The following NHSL1 variants were observed in gnomAD, a reference collection of about 807,000 sequenced individuals.
NHSL1 encodes the protein NHS-like protein 1.
Under a neutral mutation model 95.0 loss-of-function variants are expected in NHSL1, and 48 were observed. The ratio of observed to expected loss-of-function variants is 0.51; its 90% CI spans 0.40 to 0.64. The LOEUF is 0.64. Ranked by LOEUF, NHSL1 falls within the 30% of genes least tolerant of loss-of-function variation. The pLI is 0.00. For synonymous variants in NHSL1, 783 were observed against 833.9 expected, an observed-to-expected ratio of 0.94 and a Z score of 1.05; for missense variants, 1,971 against 2,077.7, an observed-to-expected ratio of 0.95 and a Z score of 1.00.
intron 1 of NHSL1, chr6:138,571,446 G>A (rs1783836174): frequency 2.4e-6 from 1 of 422,212 alleles, no homozygotes; most frequent in African/African-American, 2.0e-5. Context: ...TGAGCATGTG[G>A]CTCTGATGGA....
chr6:138,535,207 G>A (rs1031332766), intron 1 of NHSL1, among the ~76,000 whole-genome samples: 2 of 151,934 alleles, frequency 1.3e-5, no homozygotes, highest in African/African-American at 4.8e-5. Context: ...GTCAGATAAT[G>A]GGGAAAAAAA....
At chr6:138,492,370 C>T (rs1780130062) in intron 2 of NHSL1, among the ~76,000 whole-genome samples, 3 of 152,188 alleles carry the variant, frequency 2.0e-5, no homozygotes, top group African/African-American at 7.2e-5. Context: ...AGTAAGCTTG[C>T]AGTAGCAAAC....
chr6:138,676,786 C>G (rs1049679289), intron 1 of NHSL1, among the ~76,000 whole-genome samples: 2 of 152,120 alleles, frequency 1.3e-5, no homozygotes, highest in Admixed American at 6.5e-5. Flanking sequence ...TCCTGAGTAG[C>G]TGGGACTCCA....
chr6:138,477,503 T>G (rs780290385), intron 2 of NHSL1, among the ~76,000 whole-genome samples: 2 of 152,184 alleles, frequency 1.3e-5, no homozygotes, highest in Non-Finnish European at 2.9e-5. Flanking sequence ...CTCAGGAGGC[T>G]GAGGCAGGGG....
intron 1 of NHSL1, among the ~76,000 whole-genome samples, chr6:138,532,214 A>G (rs1203294198): frequency 2.6e-5 from 4 of 152,200 alleles, no homozygotes; most frequent in Non-Finnish European, 5.9e-5. Context: ...GGATGGGGGA[A>G]GAGGCTACTG....
chr6:138,642,233 T>G (rs572718312), intron 1 of NHSL1, among the ~76,000 whole-genome samples: 1 of 152,292 alleles, frequency 6.6e-6, no homozygotes, highest in African/African-American at 2.4e-5. Flanking sequence ...ATTAAAATTT[T>G]TAATTTATAT....
chr6:138,431,421 G>A lies in NHSL1; in HGVS notation c.2924C>T (p.Pro975Leu), dbSNP rs776303805. The change falls in exon 6 of 8, where the codon CCG (proline) becomes CTG (leucine). Residue 975 changes from proline to leucine, a missense_variant. Transcript: ENST00000343505. The surrounding 1 kb of genome is among the most constrained non-coding windows in gnomAD (Gnocchi z 4.0). ...GCAGAAAGGAATGAGAGCTTCTGGC[G>A]GCGGAGGGGGGAACACAGGAGAGTG... ...LPHSPVFPPPPPEALIPFCSP... is the reference protein window; with the variant it reads ...LPHSPVFPPPLPEALIPFCSP... The A allele has an allele frequency of 7.9e-5, 122 of 1,550,556 alleles. No individual in the cohort carries two copies. Among genetic ancestry groups the A allele is most frequent in the Non-Finnish European group, 3.8e-5 (44 of 1,146,788 alleles).
At chr6:138,449,222 T>C (rs2876391) in intron 3 of NHSL1, among the ~76,000 whole-genome samples, 17,717 of 152,256 alleles carry the variant, frequency 0.12, 1,126 homozygotes, top group Middle Eastern at 0.17. Flanking sequence ...CTGTTGGCGA[T>C]AGGGCCCTAG....
rs79166609 is a variant in NHSL1 at position 138,477,207 on chromosome 6, T to A, written c.212-3774A>T. On this transcript the variant is annotated intron_variant, in intron 2 of 7. Coordinates refer to ENST00000343505, the MANE Select transcript of NHSL1 (RefSeq NM_001144060.2). The stretch of plus-strand genomic sequence containing the variant: ...CTATGTAATTCAGGGTTTTGAAATA[T>A]TTCACAAATATAGAGAGAAGTCCAA... Among the ~76,000 whole-genome samples the A allele has an allele frequency of 7.9e-5, 12 of 152,312 alleles. No homozygotes were observed. In the East Asian group the frequency reaches 2.1e-3, roughly 27 times the overall value.
At chr6:138,526,345 G>C (rs916571281) in intron 1 of NHSL1, among the ~76,000 whole-genome samples, 5 of 152,088 alleles carry the variant, frequency 3.3e-5, no homozygotes, top group Non-Finnish European at 7.4e-5. Flanking sequence ...GCCAAGCCTG[G>C]TGGTGCTCAC....
chr6:138,652,158 C>A (rs1263081981), intron 1 of NHSL1, among the ~76,000 whole-genome samples: 1 of 152,090 alleles, frequency 6.6e-6, no homozygotes, highest in Non-Finnish European at 1.5e-5. Flanking sequence ...TAAGGTATGG[C>A]TGGCCAGGTG....
intron 3 of NHSL1, among the ~76,000 whole-genome samples, chr6:138,469,017 A>G (rs1301432259): frequency 1.3e-5 from 2 of 152,148 alleles, no homozygotes; most frequent in South Asian, 2.1e-4. Flanking sequence ...TGCTTGAAGG[A>G]GCTCTTTTTC....
At chr6:138,626,995 T>C (rs191279128) in intron 1 of NHSL1, among the ~76,000 whole-genome samples, 75 of 152,060 alleles carry the variant, frequency 4.9e-4, no homozygotes, top group African/African-American at 2.4e-4. Context: ...CACCTTCTTA[T>C]TGAAAGTCTA....
At chr6:138,583,786 C>T (rs1031641528) in intron 1 of NHSL1, among the ~76,000 whole-genome samples, 1 of 152,150 alleles carries the variant, frequency 6.6e-6, no homozygotes, top group African/African-American at 2.4e-5. Flanking sequence ...AGATACAGAG[C>T]CAGAGAGCAT....
intron 1 of NHSL1, among the ~76,000 whole-genome samples, chr6:138,551,560 C>T (rs191885494): frequency 2.0e-5 from 3 of 152,320 alleles, no homozygotes; most frequent in Non-Finnish European, 4.4e-5. Flanking sequence ...CTCCACTCCC[C>T]TACTATTCTA....
chr6:138,520,381 C>CG (rs1268438934), intron 1 of NHSL1, among the ~76,000 whole-genome samples: 2 of 149,892 alleles, frequency 1.3e-5, no homozygotes, highest in African/African-American at 4.9e-5. Context: ...CTCTGCCTCC[C>CG]GGGTTCAAGC....
intron 5 of NHSL1, 22 bp from the exon 6 acceptor site, chr6:138,433,702 G>A: frequency 1.3e-6 from 2 of 1,489,472 alleles, no homozygotes; most frequent in Middle Eastern, 1.7e-4. Flanking sequence ...GCAGAAAGAG[G>A]CTTGTTACCT....
chr6:138,617,341 A>T (rs1441287301), intron 1 of NHSL1, among the ~76,000 whole-genome samples: 1 of 152,164 alleles, frequency 6.6e-6, no homozygotes, highest in Non-Finnish European at 1.5e-5. Context: ...GTTTGCTACA[A>T]GAGAGACCTC....
chr6:138,683,134 C>T (rs1347270502), intron 1 of NHSL1, among the ~76,000 whole-genome samples: 2 of 152,120 alleles, frequency 1.3e-5, no homozygotes, highest in Non-Finnish European at 2.9e-5. Flanking sequence ...AAAAAGGCCC[C>T]GGAAACAGGC....
Sources: allele counts gnomAD v4.1 joint callset (sites outside exome capture counted in the v4.1 genomes callset), GRCh38; gene constraint gnomAD v4.1.1; non-coding constraint Gnocchi (gnomAD v3.1); transcripts MANE v1.5; gene names NCBI Gene and HGNC (gene_info 2026-07-23, HGNC 2026-07-21).